Variants in BCKDHB observed in about 807,000 individuals in gnomAD.
BCKDHB encodes branched chain keto acid dehydrogenase E1 subunit beta, also known as 2-oxoisovalerate dehydrogenase subunit beta, mitochondrial.
Under a neutral mutation model 48.5 loss-of-function variants are expected in BCKDHB, and 41 were observed. The observed-to-expected ratio is 0.85, with a 90% CI of 0.66 to 1.10. The LOEUF (loss-of-function observed/expected upper bound fraction) is 1.10. Ranked by LOEUF, BCKDHB falls within the 50% of genes least tolerant of loss-of-function variation. BCKDHB has a pLI of 0.00. For synonymous variants in BCKDHB, 201 were observed against 174.8 expected, an observed-to-expected ratio of 1.15 and a Z score of -1.18; for missense variants, 496 against 494.2, an observed-to-expected ratio of 1.00 and a Z score of -0.03.
At chr6:80,259,368 C>T (rs1472211898) in intron 8 of BCKDHB, among the ~76,000 whole-genome samples, 1 of 152,172 alleles carries the variant, frequency 6.6e-6, no homozygotes, top group East Asian at 1.9e-4. Flanking sequence ...AAGTGATACG[C>T]TTTGGCATCA....
rs558197277 is a variant in BCKDHB, at chr6:80,221,681, A to T, written c.951+18469A>T. Among the ~76,000 whole-genome samples the T allele has an allele frequency of 5.9e-5, 9 of 152,308 alleles. No homozygotes were observed. The South Asian group carries it at 1.9e-3, about 32-fold the overall frequency. ...TGATGAATGAAAAAAATGATAGCAG[A>T]CATTAAATGTGATATTTATAAGGCC... On this transcript the variant is annotated intron_variant, in intron 8 of 9. Coordinates refer to ENST00000320393, the MANE Select transcript of BCKDHB (RefSeq NM_183050.4).
At chr6:80,202,814 C>T (rs902919130) in intron 7 of BCKDHB, among the ~76,000 whole-genome samples, 19 of 146,488 alleles carry the variant, frequency 1.3e-4, no homozygotes, top group East Asian at 2.2e-4. Flanking sequence ...ATGCTTTCTA[C>T]GTATTTGTAT....
At chr6:80,459,290 C>G in the BCKDHB span, among the ~76,000 whole-genome samples, 3 of 152,052 alleles carry the variant, frequency 2.0e-5, no homozygotes, top group Admixed American at 6.6e-5. Flanking sequence ...AATATAATAC[C>G]ATTCAGCCTT....
At chr6:80,418,329 A>T in the BCKDHB span, among the ~76,000 whole-genome samples, 1 of 152,094 alleles carries the variant, frequency 6.6e-6, no homozygotes, top group African/African-American at 2.4e-5. Context: ...CCTGCTAGAG[A>T]GGTGATGCAG....
At chr6:80,182,519 T>A (rs1372239023) in intron 6 of BCKDHB, among the ~76,000 whole-genome samples, 1 of 152,202 alleles carries the variant, frequency 6.6e-6, no homozygotes, top group Non-Finnish European at 1.5e-5. Context: ...AAAATTTTAA[T>A]ACCATGAGTC....
At chr6:80,214,024 AC>A (rs1160892867) in intron 8 of BCKDHB, among the ~76,000 whole-genome samples, 1 of 151,960 alleles carries the variant, frequency 6.6e-6, no homozygotes, top group African/African-American at 2.4e-5. Flanking sequence ...CCATCCTTTC[AC>A]CCCAATTATT....
At chr6:80,210,839 G>C (rs1415901121) in intron 8 of BCKDHB, among the ~76,000 whole-genome samples, 1 of 152,134 alleles carries the variant, frequency 6.6e-6, no homozygotes, top group African/African-American at 2.4e-5. Flanking sequence ...CCAGGAGTAA[G>C]AACAGTGGTT....
intron 3 of BCKDHB, among the ~76,000 whole-genome samples, chr6:80,153,606 T>C (rs914114607): frequency 2.0e-5 from 3 of 152,220 alleles, no homozygotes; most frequent in East Asian, 3.8e-4. Flanking sequence ...TATTAAGTCC[T>C]GTTGGTTCTA....
intron 3 of BCKDHB, among the ~76,000 whole-genome samples, chr6:80,164,671 G>T (rs1772485592): frequency 6.6e-6 from 1 of 152,184 alleles, no homozygotes; most frequent in Non-Finnish European, 1.5e-5. Flanking sequence ...AATTATTATA[G>T]TCTTTTCAGT....
the BCKDHB span, among the ~76,000 whole-genome samples, chr6:80,370,838 GTT>G: frequency 1.3e-5 from 2 of 151,148 alleles, no homozygotes; most frequent in African/African-American, 2.4e-5. Context: ...GTGTGTGTGT[GTT>G]TGTGTGTGTG....
At chr6:80,230,570 C>T (rs917224175) in intron 8 of BCKDHB, among the ~76,000 whole-genome samples, 6 of 152,022 alleles carry the variant, frequency 3.9e-5, no homozygotes, top group African/African-American at 1.5e-4. Flanking sequence ...GCTATATGGT[C>T]TGTCTTAATT....
chr6:80,225,680 A>G (rs1162793153), intron 8 of BCKDHB, among the ~76,000 whole-genome samples: 2 of 152,194 alleles, frequency 1.3e-5, no homozygotes, highest in African/African-American at 4.8e-5. Flanking sequence ...AAATTCCATC[A>G]ACATTTTCCC....
chr6:80,171,905 T>C (rs1040394087), intron 6 of BCKDHB, among the ~76,000 whole-genome samples: 2 of 152,108 alleles, frequency 1.3e-5, no homozygotes, highest in Non-Finnish European at 2.9e-5. Flanking sequence ...TTTATAAACA[T>C]ACATCTGTGA....
the BCKDHB span, among the ~76,000 whole-genome samples, chr6:80,437,219 A>T: frequency 2.1e-4 from 32 of 152,316 alleles, no homozygotes; most frequent in East Asian, 6.2e-3. Context: ...AGTTCAGTAA[A>T]GAAAAAAAAA....
intron 8 of BCKDHB, chr6:80,251,638 T>G (rs2127935947): frequency 6.6e-6 from 1 of 152,314 alleles, no homozygotes; most frequent in Admixed American, 6.5e-5. Flanking sequence ...CGGCCTAAAC[T>G]TTCAAATATT....
chr6:80,107,530 C>CATATAT (rs771203556), intron 1 of BCKDHB, among the ~76,000 whole-genome samples: 12 of 116,776 alleles, frequency 1.0e-4, no homozygotes, highest in African/African-American at 5.8e-4. Context: ...TATATATATG[C>CATATAT]ATATATATAT....
chr6:80,321,848 A>G (rs761924727), intron 9 of BCKDHB, among the ~76,000 whole-genome samples: 1 of 152,188 alleles, frequency 6.6e-6, no homozygotes, highest in Admixed American at 6.5e-5. Context: ...AATGTAAACA[A>G]TTGCACCTGC....
Position 80,343,654 on chromosome 6 carries a change from C to G in BCKDHB, c.1039-10C>G, listed in dbSNP as rs760262704. On this transcript the variant is annotated splice_polypyrimidine_tract_variant and intron_variant, in intron 9 of 9. Transcript: ENST00000320393. The stretch of plus-strand genomic sequence containing the variant: ...ATTCTTGAAGTTAAGCATCCTGACT[C>G]TGTCTGCAGGAGGAATGTTTCTTGA... 1 of 1,613,812 alleles carries G rather than the reference C, an allele frequency of 6.2e-7. No individual in the cohort carries two copies. The highest frequency in any genetic ancestry group is 8.5e-7 in the Non-Finnish European group (1 of 1,179,940).
rs114925727 is a variant in BCKDHB at position 80,180,416 on chromosome 6, G to T, written c.742+9026G>T. ...AAAATAGTGATGATTCAAAAAGAGT[G>T]AGTCAGTGTGACATTATCACATATA... On this transcript the variant is annotated intron_variant, in intron 6 of 9. Transcript: ENST00000320393. Among the ~76,000 whole-genome samples the T allele has an allele frequency of 3.0e-3, 451 of 152,260 alleles. 1 individual carries two copies. Among genetic ancestry groups the T allele is most frequent in the African/African-American group, 0.01 (436 of 41,560 alleles).
Sources: allele counts gnomAD v4.1 joint callset (sites outside exome capture counted in the v4.1 genomes callset), GRCh38; gene constraint gnomAD v4.1.1; transcripts MANE v1.5; gene names NCBI Gene and HGNC (gene_info 2026-07-23, HGNC 2026-07-21).